Variants in IGSF9B observed in about 807,000 individuals in gnomAD.
IGSF9B encodes protein turtle homolog B.
Under a neutral mutation model 143.7 loss-of-function variants are expected in IGSF9B, and 48 were observed. That is an observed-to-expected ratio of 0.33 (90% CI 0.26 to 0.42). The LOEUF (loss-of-function observed/expected upper bound fraction) is 0.42. Ranked by LOEUF, IGSF9B falls within the 20% of genes least tolerant of loss-of-function variation. The pLI, the probability that IGSF9B is intolerant of heterozygous loss-of-function variation, is 1.00. For missense variants in IGSF9B, 1,706 were observed against 1,980.0 expected (o/e 0.86, Z 2.63); for synonymous variants, 903 against 833.1 (o/e 1.08, Z -1.44).
At chr11:133,927,186 C>A (rs1385022995) in intron 12 of IGSF9B, 95 bp from the exon 13 acceptor site, 4 of 982,850 alleles carry the variant, frequency 4.1e-6, no homozygotes, top group Non-Finnish European at 6.0e-6. Context: ...GGAGAAGGCA[C>A]TGGTGGGCCT....
chr11:133,949,347 C>A (rs759215908), intron 1 of IGSF9B, among the ~76,000 whole-genome samples: 1 of 152,156 alleles, frequency 6.6e-6, no homozygotes, highest in Non-Finnish European at 1.5e-5. Flanking sequence ...CACACACGCA[C>A]GGCATATTCT....
rs1008617910 is a variant in IGSF9B at position 133,905,134 on chromosome 11, C to T, written c.*3935G>A. Among the ~76,000 whole-genome samples, 1 of 151,970 alleles carries T rather than the reference C, an allele frequency of 6.6e-6. No individual in the cohort carries two copies. Among genetic ancestry groups the T allele is most frequent in the Non-Finnish European group, 1.5e-5 (1 of 68,022 alleles). Reference sequence around the variant, plus strand: ...AGCCATCCCTGCAGTGCCCCCAAAGCTCCTTTACATGCAAGCAAAGCAAGC... The same window carrying T: ...AGCCATCCCTGCAGTGCCCCCAAAGTTCCTTTACATGCAAGCAAAGCAAGC... On this transcript the variant is annotated 3_prime_UTR_variant, in exon 20 of 20. Transcript: ENST00000533871. The surrounding 1 kb of genome is among the most constrained non-coding windows in gnomAD (Gnocchi z 4.0).
intron 7 of IGSF9B, among the ~76,000 whole-genome samples, chr11:133,932,437 GGACA>G (rs1457260757): frequency 1.7e-4 from 25 of 146,776 alleles, no homozygotes; most frequent in South Asian, 4.6e-4. Flanking sequence ...ACAGATACAG[GGACA>G]GACAGACAGA....
At position 133,906,610 on chromosome 11, in the gene IGSF9B, G is replaced by T. The variant is rs1939213477; in HGVS notation, c.*2459C>A. Among the ~76,000 whole-genome samples, 1 of 152,242 alleles carries T rather than the reference G, an allele frequency of 6.6e-6. No individual in the cohort carries two copies. Among genetic ancestry groups the T allele is most frequent in the Non-Finnish European group, 1.5e-5 (1 of 68,048 alleles). ...GCACGGGGGTGCCCTGGAAGGCACA[G>T]CCATGGCCTGAGCATCTCAGCCTCT... On this transcript the variant is annotated 3_prime_UTR_variant, in exon 20 of 20. Coordinates refer to ENST00000533871, the MANE Select transcript of IGSF9B (RefSeq NM_001277285.4).
At chr11:133,918,483 G>C (rs753352949) in intron 18 of IGSF9B, among the ~76,000 whole-genome samples, 1 of 152,130 alleles carries the variant, frequency 6.6e-6, no homozygotes, top group Non-Finnish European at 1.5e-5. Context: ...TGAGCTGAGC[G>C]CGCACAAAGC....
In IGSF9B at chr11:133,944,305, C is replaced by T; in HGVS notation, c.324G>A (p.Gln108=). The T allele has an allele frequency of 1.9e-6, 3 of 1,613,944 alleles. No individual in the cohort carries two copies. Among genetic ancestry groups the T allele is most frequent in the Non-Finnish European group, 2.5e-6 (3 of 1,179,870 alleles). Residue 108 remains glutamine, a synonymous_variant, in exon 3 of 20, where the codon CAG becomes CAA. Transcript: ENST00000533871. ...TGAGCACTTTGCACTCATACCAGCCCTGGTCCTCAGAGCGAACTTGTTCCA... is the reference window on the plus strand; with the variant it reads ...TGAGCACTTTGCACTCATACCAGCCTTGGTCCTCAGAGCGAACTTGTTCCA... ...LRLEQVRSED[Q]GWYECKVLML...
chr11:133,937,716 G>A (rs918878273), intron 4 of IGSF9B, 94 bp downstream of exon 4: 1 of 1,420,476 alleles, frequency 7.0e-7, no homozygotes, highest in African/African-American at 1.4e-5. Context: ...CTCTGTGCTT[G>A]TGCCTGTAGC....
rs944236811 is a variant in IGSF9B, at chr11:133,931,907, C to T, written c.1111-112G>A. 4 of 1,520,340 alleles carry T rather than the reference C, an allele frequency of 2.6e-6. No homozygotes were observed. Among genetic ancestry groups the T allele is most frequent in the Non-Finnish European group, 3.5e-6 (4 of 1,131,252 alleles). The allele number at this position is 1,520,340 out of a possible 1,614,324, so 94.2% of individuals were successfully genotyped here. Reference sequence around the variant, plus strand: ...ACGCAGGATAGTACAGGAGCTCCAGCCCGGGGCGGGCGGCACCCGCAGACC... The same window carrying T: ...ACGCAGGATAGTACAGGAGCTCCAGTCCGGGGCGGGCGGCACCCGCAGACC... On this transcript the variant is annotated intron_variant, in intron 8 of 19. Transcript: ENST00000533871. The surrounding 1 kb of genome is among the most constrained non-coding windows in gnomAD (Gnocchi z 7.7).
At chr11:133,956,627 G>T in intron 1 of IGSF9B, 64 bp downstream of exon 1, 2 of 1,122,048 alleles carry the variant, frequency 1.8e-6, no homozygotes, top group East Asian at 3.1e-5. Context: ...GAAACCGAGG[G>T]GCCGGGCGCG....
Position 133,913,288 on chromosome 11 carries a change from A to C in IGSF9B, c.3984-1281T>G, listed in dbSNP as rs552712018. 6.6e-6 allele frequency among the ~76,000 whole-genome samples: 1 copy of C among 152,272 alleles called. No individual in the cohort carries two copies. The highest frequency in any genetic ancestry group is 1.9e-4 in the East Asian group (1 of 5,170). On this transcript the variant is annotated intron_variant, in intron 18 of 19. Coordinates refer to ENST00000533871, the MANE Select transcript of IGSF9B (RefSeq NM_001277285.4). This position sits in a 1 kb window ranked among gnomAD's most constrained non-coding sequence, Gnocchi z 4.6. ...GTAGGACAGACAATGCTGTGAGGGC[A>C]AAAGAAGACCCCAAAGGTCAGCAAG...
Position 133,909,397 on chromosome 11 carries a change from A to T in IGSF9B, c.4106-120T>A. On this transcript the variant is annotated intron_variant, in intron 19 of 19. Coordinates refer to ENST00000533871, the MANE Select transcript of IGSF9B (RefSeq NM_001277285.4). This position sits in a 1 kb window ranked among gnomAD's most constrained non-coding sequence, Gnocchi z 4.2. ...TTTCTAATGTTGAAACAAAGGAATC[A>T]CCTGAGTCTAGAGAGACCAGACCGA... 1.2e-6 allele frequency: 1 copy of T among 839,288 alleles called. No homozygotes were observed. The allele number at this position is 839,288 out of a possible 1,614,324, so 52.0% of individuals were successfully genotyped here. A position where few individuals can be genotyped will look rare whatever the true frequency, so the allele number is the denominator to read the frequency against.
Position 133,944,371 on chromosome 11 carries a change from G to C in IGSF9B, c.263-5C>G, listed in dbSNP as rs2121335924. 1 of 1,612,966 alleles carries C rather than the reference G, an allele frequency of 6.2e-7. No homozygotes were observed. The highest frequency in any genetic ancestry group is 2.2e-5 in the East Asian group (1 of 44,876). ...TATCATGAAGACTGGCCCGGCCTGGGGGAATAGAGCAGACAAAAGCCCCAC... is the reference window on the plus strand; with the variant it reads ...TATCATGAAGACTGGCCCGGCCTGGCGGAATAGAGCAGACAAAAGCCCCAC... On this transcript the variant is annotated splice_polypyrimidine_tract_variant and splice_region_variant and intron_variant, in intron 2 of 19. Transcript: ENST00000533871.
intron 7 of IGSF9B, 99 bp from the exon 8 acceptor site, chr11:133,932,312 CAG>C (rs1939747819): frequency 7.9e-7 from 1 of 1,262,416 alleles, no homozygotes; most frequent in South Asian, 1.4e-5. Flanking sequence ...CAGACAGACA[CAG>C]GGAAGCCAGG....
rs182111965 is a variant in IGSF9B, at chr11:133,905,544, A to C, written c.*3525T>G. On this transcript the variant is annotated 3_prime_UTR_variant, in exon 20 of 20. Coordinates refer to ENST00000533871, the MANE Select transcript of IGSF9B (RefSeq NM_001277285.4). This position sits in a 1 kb window ranked among gnomAD's most constrained non-coding sequence, Gnocchi z 4.0. Reference sequence around the variant, plus strand: ...TCACAAATCAAAAATAAAGACAGAGAGCATGGAAAAATAACAAGAAATACT... The same window carrying C: ...TCACAAATCAAAAATAAAGACAGAGCGCATGGAAAAATAACAAGAAATACT... Among the ~76,000 whole-genome samples the C allele has an allele frequency of 4.0e-3, 608 of 152,344 alleles. 2 individuals carry two copies. The highest frequency in any genetic ancestry group is 0.014 in the African/African-American group (575 of 41,580).
chr11:133,930,166 T>C (rs1167222462), intron 11 of IGSF9B, among the ~76,000 whole-genome samples: 1 of 152,078 alleles, frequency 6.6e-6, no homozygotes, highest in Non-Finnish European at 1.5e-5. Flanking sequence ...TTCTCTGGCC[T>C]CAGAAGACAA....
intron 12 of IGSF9B, 66 bp downstream of exon 12, chr11:133,929,605 C>T: frequency 8.2e-7 from 1 of 1,214,234 alleles, no homozygotes; most frequent in Non-Finnish European, 1.2e-6. Flanking sequence ...GGGTAGCCTG[C>T]AGGAAGACCG....
At chr11:133,932,003 C>T in intron 8 of IGSF9B, 68 bp downstream of exon 8, 1 of 1,554,284 alleles carries the variant, frequency 6.4e-7, no homozygotes, top group Non-Finnish European at 8.7e-7. Context: ...AAATCCAGAG[C>T]CCAGAGGTGG....
chr11:133,916,891 G>A (rs1939393593), intron 18 of IGSF9B, among the ~76,000 whole-genome samples: 1 of 152,128 alleles, frequency 6.6e-6, no homozygotes, highest in South Asian at 2.1e-4. Context: ...GGGCCCCAGA[G>A]CAGGTGAGCT....
rs7113421 is a variant in IGSF9B at position 133,928,496 on chromosome 11, C to T, written c.1631+1175G>A. On this transcript the variant is annotated intron_variant, in intron 12 of 19. Transcript: ENST00000533871. The surrounding 1 kb of genome is among the most constrained non-coding windows in gnomAD (Gnocchi z 4.7). ...TGGATAAAGGGGTCTCCCTGAACCC[C>T]CTGAGCTGCCCCAGGTGCCTGCCTT... 0.065 allele frequency among the ~76,000 whole-genome samples: 9,861 copies of T among 152,246 alleles called. 1,041 individuals carry two copies. The highest frequency in any genetic ancestry group is 0.22 in the African/African-American group (9,253 of 41,510).
Sources: gnomAD v4.1 joint callset for allele counts (sites outside exome capture counted in the v4.1 genomes callset) on GRCh38, gnomAD v4.1.1 for gene constraint, Gnocchi (gnomAD v3.1) non-coding constraint, MANE v1.5 for transcripts, NCBI Gene and HGNC (gene_info 2026-07-23, HGNC 2026-07-21) for gene names.